Variants in EML1 observed in about 807,000 individuals in gnomAD.
EML1 encodes the protein echinoderm microtubule-associated protein-like 1.
Under a neutral mutation model 110.4 loss-of-function variants are expected in EML1, and 27 were observed. The ratio of observed to expected loss-of-function variants is 0.24; its 90% CI spans 0.18 to 0.34. The LOEUF is 0.34. Ranked by LOEUF, EML1 falls within the 10% of genes least tolerant of loss-of-function variation. The pLI is 1.00. For missense variants in EML1, 741 were observed against 1,030.9 expected (o/e 0.72, Z 3.85); for synonymous variants, 344 against 385.8 (o/e 0.89, Z 1.27).
At chr14:99,875,725 T>C (rs2139924629) in intron 3 of EML1, among the ~76,000 whole-genome samples, 1 of 152,320 alleles carries the variant, frequency 6.6e-6, no homozygotes, top group African/African-American at 2.4e-5. Context: ...AGAATAATCC[T>C]GCTAAGTCAA....
At chr14:99,927,182 A>G (rs1032088810) in intron 17 of EML1, among the ~76,000 whole-genome samples, 2 of 152,218 alleles carry the variant, frequency 1.3e-5, no homozygotes, top group African/African-American at 4.8e-5. Context: ...AATTTGTTTA[A>G]ACCAGGAAGC....
At chr14:99,816,859 G>T (rs746327611) in intron 1 of EML1, among the ~76,000 whole-genome samples, 1 of 152,136 alleles carries the variant, frequency 6.6e-6, no homozygotes, top group Non-Finnish European at 1.5e-5. Context: ...CAAGCTTTTT[G>T]GTCTGTCTTG....
chr14:99,862,597 G>A (rs1344312040), intron 2 of EML1, among the ~76,000 whole-genome samples: 8 of 152,076 alleles, frequency 5.3e-5, no homozygotes, highest in Admixed American at 3.3e-4. Flanking sequence ...GGTTATAATC[G>A]AATACTATGT....
intron 1 of EML1, chr14:99,850,064 G>C: frequency 2.9e-6 from 1 of 347,004 alleles, no homozygotes; most frequent in South Asian, 2.3e-5. Flanking sequence ...TGAGTAGCTG[G>C]TACTACAGGC....
At chr14:99,937,761 T>C in intron 19 of EML1, 56 bp from the exon 20 acceptor site, 2 of 1,527,420 alleles carry the variant, frequency 1.3e-6, no homozygotes, top group Non-Finnish European at 1.8e-6. Flanking sequence ...TCAGCCTTGC[T>C]TAGGGGAGGG....
chr14:99,879,134 G>C (rs777134327), intron 4 of EML1, among the ~76,000 whole-genome samples: 1 of 152,124 alleles, frequency 6.6e-6, no homozygotes, highest in African/African-American at 2.4e-5. Flanking sequence ...CATGAAATAC[G>C]TGGACTCCAA....
At chr14:99,743,145 C>T (rs938841480) in intron 1 of EML1, among the ~76,000 whole-genome samples, 1 of 152,222 alleles carries the variant, frequency 6.6e-6, no homozygotes, top group Non-Finnish European at 1.5e-5. Context: ...GCAGGGGAAA[C>T]TGAGGCCCAA....
intron 1 of EML1, among the ~76,000 whole-genome samples, chr14:99,751,633 G>A (rs1212155469): frequency 1.3e-5 from 2 of 152,094 alleles, no homozygotes; most frequent in African/African-American, 2.4e-5. Context: ...CTGGATACTC[G>A]AGAAGGACCT....
intron 17 of EML1, among the ~76,000 whole-genome samples, chr14:99,931,586 A>G (rs185803162): frequency 2.8e-4 from 43 of 152,192 alleles, no homozygotes; most frequent in South Asian, 1.2e-3. Flanking sequence ...ATTTCAGTGG[A>G]GTAAGTTTAG....
intron 13 of EML1, among the ~76,000 whole-genome samples, chr14:99,912,087 G>A (rs935287612): frequency 1.3e-5 from 2 of 151,846 alleles, no homozygotes; most frequent in South Asian, 4.2e-4. Flanking sequence ...TAGAGATGTT[G>A]CCCAGGCTGG....
chr14:99,906,684 A>T (rs1316198109), intron 9 of EML1, among the ~76,000 whole-genome samples: 1 of 152,178 alleles, frequency 6.6e-6, no homozygotes, highest in Non-Finnish European at 1.5e-5. Flanking sequence ...AGTAGGTCTC[A>T]GCCTTATTTT....
At position 99,894,800 on chromosome 14, in the gene EML1, G is replaced by T. The variant is rs764467094; in HGVS notation, c.677+42G>T. On this transcript the variant is annotated intron_variant, in intron 6 of 21. Transcript: ENST00000262233. Reference sequence around the variant, plus strand: ...GATTAGGTCTCACATGAAGTTATCAGTCAATCAATGCTTGATGTTAACTGT... The same window carrying T: ...GATTAGGTCTCACATGAAGTTATCATTCAATCAATGCTTGATGTTAACTGT... The T allele has an allele frequency of 3.9e-5, 61 of 1,574,172 alleles. No individual in the cohort carries two copies. The Middle Eastern group carries it at 1.2e-3, about 30-fold the overall frequency.
chr14:99,822,574 T>G (rs1445436384), intron 1 of EML1, among the ~76,000 whole-genome samples: 1 of 152,192 alleles, frequency 6.6e-6, no homozygotes, highest in Non-Finnish European at 1.5e-5. Flanking sequence ...TGATTTATCT[T>G]TTTCATATTC....
intron 1 of EML1, among the ~76,000 whole-genome samples, chr14:99,841,373 AGTGTCT>A (rs1224892077): frequency 6.6e-6 from 1 of 152,210 alleles, no homozygotes; most frequent in African/African-American, 2.4e-5. Context: ...ATTTGTGTTG[AGTGTCT>A]GTATGCCGTC....
At chr14:99,752,944 A>G (rs2057193397) in intron 1 of EML1, among the ~76,000 whole-genome samples, 1 of 152,198 alleles carries the variant, frequency 6.6e-6, no homozygotes, top group Admixed American at 6.5e-5. Flanking sequence ...GCTGGAAGGC[A>G]GGGCGTGCAA....
chr14:99,825,506 C>T (rs1391420219), intron 1 of EML1, among the ~76,000 whole-genome samples: 2 of 152,196 alleles, frequency 1.3e-5, no homozygotes, highest in Non-Finnish European at 2.9e-5. Context: ...AGGGGCAGAA[C>T]TGAGTGTCCT....
intron 1 of EML1, among the ~76,000 whole-genome samples, chr14:99,742,117 AC>A (rs2057050418): frequency 6.6e-6 from 1 of 151,476 alleles, no homozygotes; most frequent in African/African-American, 2.4e-5. Context: ...GACATCAAGT[AC>A]CCCCCACCTC....
chr14:99,813,953 G>A lies in EML1; in HGVS notation c.67+20410G>A, dbSNP rs142000675. Among the ~76,000 whole-genome samples the A allele has an allele frequency of 1.2e-3, 184 of 152,128 alleles. 1 individual carries two copies. Among genetic ancestry groups the A allele is most frequent in the Non-Finnish European group, 1.9e-3 (132 of 68,006 alleles). On this transcript the variant is annotated intron_variant, in intron 1 of 21. Transcript: ENST00000262233. ...GCTGCCCGGAGCACACTGTGCCTGC[G>A]TGGAGACCTTTCTTAGCAGACGAAG...
chr14:99,831,590 T>C (rs2058454528), intron 1 of EML1, among the ~76,000 whole-genome samples: 1 of 152,214 alleles, frequency 6.6e-6, no homozygotes, highest in Non-Finnish European at 1.5e-5. Context: ...ATATGTGGTA[T>C]ACTGGCCTGG....
Sources: gnomAD v4.1 joint callset for allele counts (sites outside exome capture counted in the v4.1 genomes callset) on GRCh38, gnomAD v4.1.1 for gene constraint, MANE v1.5 for transcripts, NCBI Gene and HGNC (gene_info 2026-07-23, HGNC 2026-07-21) for gene names.